The following LMNTD1 variants were observed in gnomAD, a reference collection of about 807,000 sequenced individuals.
LMNTD1 encodes lamin tail domain containing 1.
LMNTD1 carries 35 observed loss-of-function variants against 50.9 expected under a neutral mutation model. That is an observed-to-expected ratio of 0.69 (90% CI 0.53 to 0.91). The LOEUF is 0.91. Ranked by LOEUF, LMNTD1 falls within the 40% of genes least tolerant of loss-of-function variation. The probability of loss-of-function intolerance (pLI) is 0.00; values close to 1 mark genes in which losing one functional copy is unlikely to be tolerated. For missense variants in LMNTD1, 470 were observed against 475.5 expected (o/e 0.99, Z 0.11); for synonymous variants, 153 against 161.9 (o/e 0.94, Z 0.42).
chr12:25,552,499 C>G (rs766960642), intron 2 of LMNTD1, among the ~76,000 whole-genome samples: 78 of 143,950 alleles, frequency 5.4e-4, no homozygotes, highest in Non-Finnish European at 9.9e-4. Context: ...CTAGCTACTC[C>G]GAGAGGCTGA....
chr12:25,590,324 ATTGATGCC>A (rs1945657830), intron 1 of LMNTD1, among the ~76,000 whole-genome samples: 2 of 152,154 alleles, frequency 1.3e-5, no homozygotes, highest in Non-Finnish European at 2.9e-5. Flanking sequence ...GACCATCTCT[ATTGATGCC>A]CACCATGGAG....
intron 1 of LMNTD1, among the ~76,000 whole-genome samples, chr12:25,574,913 A>T (rs1280286664): frequency 6.6e-6 from 1 of 152,138 alleles, no homozygotes; most frequent in Non-Finnish European, 1.5e-5. Flanking sequence ...AACAAATCCC[A>T]TTATACTTAC....
intron 1 of LMNTD1, among the ~76,000 whole-genome samples, chr12:25,608,476 G>A (rs1333546179): frequency 6.6e-6 from 1 of 152,208 alleles, no homozygotes; most frequent in East Asian, 1.9e-4. Flanking sequence ...GGTACTGGTT[G>A]TTCTTTTCCA....
chr12:25,551,047 ACTGT>A (rs1943715692), intron 2 of LMNTD1, among the ~76,000 whole-genome samples: 1 of 152,332 alleles, frequency 6.6e-6, no homozygotes, highest in Non-Finnish European at 1.5e-5. Flanking sequence ...TTAGAGGTAA[ACTGT>A]CAGATTACAG....
chr12:25,512,369 T>C (rs1243678313), intron 8 of LMNTD1, among the ~76,000 whole-genome samples: 1 of 152,154 alleles, frequency 6.6e-6, no homozygotes, highest in Non-Finnish European at 1.5e-5. Context: ...AGGAGGGGAA[T>C]AGGACTAGGA....
intron 1 of LMNTD1, among the ~76,000 whole-genome samples, chr12:25,646,618 T>C (rs1390878293): frequency 1.4e-4 from 22 of 152,164 alleles, no homozygotes; most frequent in Admixed American, 1.2e-3. Context: ...GCTTTGATGA[T>C]TGCTGGAGTA....
At chr12:25,602,181 A>G (rs565217388) in intron 1 of LMNTD1, among the ~76,000 whole-genome samples, 1 of 152,042 alleles carries the variant, frequency 6.6e-6, no homozygotes, top group African/African-American at 2.4e-5. Flanking sequence ...CTCTTCATAA[A>G]TCTCTCAGAA....
At chr12:25,643,234 C>G (rs58571336) in intron 1 of LMNTD1, among the ~76,000 whole-genome samples, 6 of 152,070 alleles carry the variant, frequency 3.9e-5, no homozygotes, top group Non-Finnish European at 8.8e-5. Flanking sequence ...GCAGGGGAAG[C>G]CTTTCTAAAC....
At chr12:25,622,274 A>G (rs983511095) in intron 1 of LMNTD1, among the ~76,000 whole-genome samples, 1 of 152,074 alleles carries the variant, frequency 6.6e-6, no homozygotes, top group African/African-American at 2.4e-5. Flanking sequence ...TTAGCTCCTC[A>G]GGGGCCTGAA....
intron 6 of LMNTD1, among the ~76,000 whole-genome samples, chr12:25,522,068 C>A: frequency 6.6e-6 from 1 of 152,152 alleles, no homozygotes. Context: ...TTGAACATCC[C>A]TCTGCTTGGC....
Position 25,577,503 on chromosome 12 carries a change from T to TGTGTAG in LMNTD1, c.59-30950_59-30949insCTACAC, listed in dbSNP as rs56919362. Reference sequence around the variant, plus strand: ...TGGCTCTCTGTTTGTCTGTTATTGGTGAATGCTTGTGAATTTTGCACATTG... The same window carrying TGTGTAG: ...TGGCTCTCTGTTTGTCTGTTATTGGTGTGTAGGAATGCTTGTGAATTTTGCACATTG... On this transcript the variant is annotated intron_variant, in intron 1 of 7. Transcript: ENST00000445693. Among the ~76,000 whole-genome samples the TGTGTAG allele has an allele frequency of 5.3e-5, 8 of 151,586 alleles. No homozygotes were observed. In the East Asian group the frequency reaches 1.6e-3, roughly 30 times the overall value.
intron 1 of LMNTD1, among the ~76,000 whole-genome samples, chr12:25,615,710 C>T (rs1377859123): frequency 6.6e-6 from 1 of 152,154 alleles, no homozygotes; most frequent in African/African-American, 2.4e-5. Context: ...ATCTGCCTGC[C>T]TTGGCCTCCT....
intron 4 of LMNTD1, among the ~76,000 whole-genome samples, chr12:25,531,759 C>T (rs1389647182): frequency 6.6e-6 from 1 of 152,102 alleles, no homozygotes; most frequent in Non-Finnish European, 1.5e-5. Context: ...CCTTCAGTGA[C>T]TTTAATTAGA....
chr12:25,567,910 G>T (rs1404441482), intron 1 of LMNTD1, among the ~76,000 whole-genome samples: 1 of 150,130 alleles, frequency 6.7e-6, no homozygotes, highest in Non-Finnish European at 1.5e-5. Flanking sequence ...ACAGAAAATG[G>T]GTACTGAGAA....
At chr12:25,605,882 T>G (rs573464548) in intron 1 of LMNTD1, among the ~76,000 whole-genome samples, 1 of 152,332 alleles carries the variant, frequency 6.6e-6, no homozygotes, top group African/African-American at 2.4e-5. Context: ...AAGTCATTGG[T>G]AGCTTGATGG....
At chr12:25,513,830 C>T (rs748757890) in intron 8 of LMNTD1, among the ~76,000 whole-genome samples, 9 of 152,072 alleles carry the variant, frequency 5.9e-5, no homozygotes, top group Non-Finnish European at 1.3e-4. Flanking sequence ...CAAATCAATA[C>T]ACCTGCCTGG....
chr12:25,479,513 CT>C (rs1399920756), intron 9 of LMNTD1, among the ~76,000 whole-genome samples: 1 of 152,224 alleles, frequency 6.6e-6, no homozygotes, highest in African/African-American at 2.4e-5. Flanking sequence ...GGCCATTCCA[CT>C]GTTTTATCAA....
At chr12:25,594,430 T>C (rs1945788488) in intron 1 of LMNTD1, among the ~76,000 whole-genome samples, 1 of 151,882 alleles carries the variant, frequency 6.6e-6, no homozygotes, top group Non-Finnish European at 1.5e-5. Context: ...AACAAAACAA[T>C]TATCAGCCAA....
intron 9 of LMNTD1, among the ~76,000 whole-genome samples, chr12:25,484,898 C>T (rs919682858): frequency 6.8e-6 from 1 of 148,128 alleles, no homozygotes; most frequent in African/African-American, 2.5e-5. Context: ...TTAATCCAGT[C>T]TATCATTGTT....
Sources: gnomAD v4.1 joint callset for allele counts (sites outside exome capture counted in the v4.1 genomes callset) on GRCh38, gnomAD v4.1.1 for gene constraint, MANE v1.5 for transcripts, NCBI Gene and HGNC (gene_info 2026-07-23, HGNC 2026-07-21) for gene names.